The following ARHGAP44 variants were observed in gnomAD, a reference collection of about 807,000 sequenced individuals.
ARHGAP44 encodes Rho GTPase activating protein 44.
ARHGAP44 carries 43 observed loss-of-function variants against 106.8 expected under a neutral mutation model. The ratio of observed to expected loss-of-function variants is 0.40; its 90% CI spans 0.32 to 0.52. ARHGAP44 has a LOEUF of 0.52. Ranked by LOEUF, ARHGAP44 falls within the 20% of genes least tolerant of loss-of-function variation. ARHGAP44 has a pLI of 0.48. For synonymous variants in ARHGAP44, 439 were observed against 410.3 expected, an observed-to-expected ratio of 1.07 and a Z score of -0.85; for missense variants, 866 against 1,050.5, an observed-to-expected ratio of 0.82 and a Z score of 2.43.
At chr17:12,816,767 A>G (rs963413409) in intron 1 of ARHGAP44, among the ~76,000 whole-genome samples, 4 of 152,180 alleles carry the variant, frequency 2.6e-5, no homozygotes, top group African/African-American at 7.2e-5. Context: ...TGAAGAAAAA[A>G]GTGATAGAAC....
In ARHGAP44 at chr17:12,990,238, G is replaced by C; in HGVS notation, c.*67G>C. 1 of 1,541,256 alleles carries C rather than the reference G, an allele frequency of 6.5e-7. No homozygotes were observed. The highest frequency in any genetic ancestry group is 8.8e-7 in the Non-Finnish European group (1 of 1,134,738). On this transcript the variant is annotated 3_prime_UTR_variant, in exon 21 of 21. Transcript: ENST00000379672. ...GGCCCTAGGAACGCCGCCAGGAGCAGCGTCCATGAGCTTGCCAAGTGTTCT... is the reference window on the plus strand; with the variant it reads ...GGCCCTAGGAACGCCGCCAGGAGCACCGTCCATGAGCTTGCCAAGTGTTCT...
At chr17:12,896,057 A>G (rs1321716306) in intron 2 of ARHGAP44, among the ~76,000 whole-genome samples, 1 of 145,478 alleles carries the variant, frequency 6.9e-6, no homozygotes, top group Non-Finnish European at 1.5e-5. Flanking sequence ...GAACAATGAG[A>G]ACACTTGGAC....
At chr17:12,915,799 T>A in intron 4 of ARHGAP44, 101 bp from the exon 5 acceptor site, 2 of 991,984 alleles carry the variant, frequency 2.0e-6, no homozygotes, top group South Asian at 3.2e-5. Flanking sequence ...TAACACTGAC[T>A]TGTGAAAGTT....
intron 18 of ARHGAP44, among the ~76,000 whole-genome samples, chr17:12,977,368 G>C (rs1019832984): frequency 6.6e-6 from 1 of 151,980 alleles, no homozygotes; most frequent in Non-Finnish European, 1.5e-5. Context: ...CCGGATTCTC[G>C]TTCTGGCTCC....
chr17:12,880,769 T>G (rs759424103), intron 1 of ARHGAP44, among the ~76,000 whole-genome samples: 10 of 152,158 alleles, frequency 6.6e-5, no homozygotes, highest in Admixed American at 2.0e-4. Flanking sequence ...ATTGTTCTGT[T>G]AAAAGGTGTT....
intron 20 of ARHGAP44, chr17:12,987,038 T>TTTTTG: frequency 2.5e-6 from 3 of 1,191,250 alleles, no homozygotes; most frequent in Non-Finnish European, 1.1e-6. Flanking sequence ...TTTTTTTTTT[T>TTTTTG]GTGACGTTCA....
chr17:12,817,237 T>C (rs2034624623), intron 1 of ARHGAP44, among the ~76,000 whole-genome samples: 1 of 152,008 alleles, frequency 6.6e-6, no homozygotes, highest in South Asian at 2.1e-4. Context: ...ACACAACATA[T>C]CAAAATTTGT....
intron 6 of ARHGAP44, among the ~76,000 whole-genome samples, chr17:12,925,914 C>T: frequency 6.6e-6 from 1 of 152,050 alleles, no homozygotes; most frequent in East Asian, 1.9e-4. Flanking sequence ...AAAATTTTCC[C>T]AACATGACTA....
intron 1 of ARHGAP44, among the ~76,000 whole-genome samples, chr17:12,894,607 T>C (rs1361533134): frequency 1.3e-5 from 2 of 152,168 alleles, no homozygotes; most frequent in African/African-American, 2.4e-5. Flanking sequence ...GCTTACTTAT[T>C]TGGGGGAGGC....
rs1367271910 is a variant in ARHGAP44 at position 12,949,501 on chromosome 17, C to T, written c.974-148C>T. Reference sequence around the variant, plus strand: ...CCAGGTCCCCTGTCAGAGCCTCATACCCATTTCCATAGGAAGCTACCATTT... The same window carrying T: ...CCAGGTCCCCTGTCAGAGCCTCATATCCATTTCCATAGGAAGCTACCATTT... On this transcript the variant is annotated intron_variant, in intron 11 of 20. Transcript: ENST00000379672. This position sits in a 1 kb window ranked among gnomAD's most constrained non-coding sequence, Gnocchi z 4.1. 1.3e-6 allele frequency: 1 copy of T among 769,418 alleles called. No individual in the cohort carries two copies. The highest frequency in any genetic ancestry group is 2.1e-6 in the Non-Finnish European group (1 of 477,364). The allele number at this position is 769,418 out of a possible 1,614,324, so 47.7% of individuals were successfully genotyped here.
Position 12,974,145 on chromosome 17 carries a change from G to C in ARHGAP44, c.1598G>C (p.Gly533Ala). The change falls in exon 18 of 21, where the codon GGT becomes GCT. Residue 533 changes from glycine (G) to alanine (A), a missense_variant. Transcript: ENST00000379672. Reference protein sequence around the residue: ...NWVARRGSSAGRKVSCAPPSM... With the variant: ...NWVARRGSSAARKVSCAPPSM... ...GTGGCTCGAAGAGGCTCCTCGGCCG[G>C]TCGGAAAGTGTCCTGCGCCCCGCCC... is the stretch of plus-strand genomic sequence containing the variant. 1 of 1,562,102 alleles carries C rather than the reference G, an allele frequency of 6.4e-7. No individual in the cohort carries two copies. The highest frequency in any genetic ancestry group is 1.2e-5 in the South Asian group (1 of 84,814).
chr17:12,901,541 G>C (rs140638744), intron 3 of ARHGAP44, among the ~76,000 whole-genome samples: 231 of 152,230 alleles, frequency 1.5e-3, no homozygotes, highest in Non-Finnish European at 1.9e-3. Context: ...AAAAATCGGC[G>C]TCCATGGTAG....
chr17:12,986,895 C>A, intron 20 of ARHGAP44: 4 of 567,782 alleles, frequency 7.0e-6, no homozygotes, highest in Non-Finnish European at 9.4e-6. Context: ...TCGCCCTGTG[C>A]GGACCCTATT....
intron 3 of ARHGAP44, among the ~76,000 whole-genome samples, chr17:12,907,658 T>G (rs1226574113): frequency 6.6e-6 from 1 of 152,244 alleles, no homozygotes; most frequent in African/African-American, 2.4e-5. Flanking sequence ...ATTCCCTTTT[T>G]CATGGCTGCA....
chr17:12,903,504 A>G (rs561498813), intron 3 of ARHGAP44, among the ~76,000 whole-genome samples: 3 of 152,226 alleles, frequency 2.0e-5, no homozygotes, highest in African/African-American at 7.2e-5. Flanking sequence ...GTCAGTGTGG[A>G]TCCTTGGTAC....
chr17:12,906,239 C>T (rs960844911), intron 3 of ARHGAP44, among the ~76,000 whole-genome samples: 10 of 152,190 alleles, frequency 6.6e-5, no homozygotes, highest in Non-Finnish European at 1.3e-4. Context: ...CATAACACTT[C>T]TGTGACCACA....
intron 6 of ARHGAP44, among the ~76,000 whole-genome samples, chr17:12,920,472 T>C (rs1053577267): frequency 2.6e-5 from 4 of 151,860 alleles, no homozygotes; most frequent in Non-Finnish European, 4.4e-5. Context: ...AAAAGCTTTT[T>C]TGAGGTGGGT....
intron 1 of ARHGAP44, among the ~76,000 whole-genome samples, chr17:12,808,759 T>C (rs1321829389): frequency 6.6e-6 from 1 of 152,234 alleles, no homozygotes; most frequent in East Asian, 1.9e-4. Context: ...GATTAAGATT[T>C]GGCTCCTCGT....
At chr17:12,925,116 A>AT (rs1366722083) in intron 6 of ARHGAP44, among the ~76,000 whole-genome samples, 2 of 151,976 alleles carry the variant, frequency 1.3e-5, no homozygotes, top group Non-Finnish European at 2.9e-5. Flanking sequence ...CTCACATCTG[A>AT]TTTCTTCAAG....
Sources: gnomAD v4.1 joint callset for allele counts (sites outside exome capture counted in the v4.1 genomes callset) on GRCh38, gnomAD v4.1.1 for gene constraint, Gnocchi (gnomAD v3.1) non-coding constraint, MANE v1.5 for transcripts, NCBI Gene and HGNC (gene_info 2026-07-23, HGNC 2026-07-21) for gene names.